SMYD3: variants seen among roughly 807,000 people sequenced by gnomAD.
SMYD3 encodes the protein histone-lysine N-methyltransferase SMYD3.
In SMYD3, 36 loss-of-function variants were observed where a neutral mutation model predicts 57.7. The observed-to-expected ratio is 0.62, with a 90% CI of 0.48 to 0.82. The LOEUF is 0.82. Among genes scored for constraint, SMYD3 ranks in the 40% least tolerant of loss-of-function variants. The pLI is 0.00. For missense variants in SMYD3, 515 were observed against 538.8 expected (o/e 0.96, Z 0.44); for synonymous variants, 211 against 195.0 (o/e 1.08, Z -0.68).
chr1:246,223,133 A>T lies in SMYD3; in HGVS notation c.531+104068T>A, dbSNP rs200630261. The stretch of plus-strand genomic sequence containing the variant: ...CTGCCCAACTCCTTTGATTCAAGAC[A>T]GGGAGGGGAACAGAGGTCTCCTCAG... On this transcript the variant is annotated intron_variant, in intron 5 of 11. Transcript: ENST00000490107. 1.8e-3 allele frequency among the ~76,000 whole-genome samples: 234 copies of T among 127,918 alleles called. 2 individuals carry two copies. The highest frequency in any genetic ancestry group is 7.8e-3 in the African/African-American group (224 of 28,880). The allele number at this position is 127,918 out of a possible 152,430, so 83.9% of individuals were successfully genotyped here.
intron 1 of SMYD3, among the ~76,000 whole-genome samples, chr1:246,427,376 C>T (rs1054136392): frequency 3.3e-5 from 5 of 151,282 alleles, no homozygotes; most frequent in African/African-American, 9.7e-5. Flanking sequence ...AAAAATTAGC[C>T]GGGCGTAGTG....
intron 8 of SMYD3, among the ~76,000 whole-genome samples, chr1:245,881,072 C>T (rs2052754506): frequency 6.6e-6 from 1 of 152,184 alleles, no homozygotes; most frequent in Non-Finnish European, 1.5e-5. Flanking sequence ...GATTCTTCTA[C>T]ATTTGTTCAT....
At chr1:246,201,440 C>G (rs1434942960) in intron 5 of SMYD3, among the ~76,000 whole-genome samples, 5 of 152,178 alleles carry the variant, frequency 3.3e-5, no homozygotes, top group African/African-American at 1.2e-4. Flanking sequence ...ATTTGGGTCA[C>G]TATATCTGTA....
chr1:246,384,491 A>G (rs1400981557), intron 1 of SMYD3, among the ~76,000 whole-genome samples: 2 of 151,750 alleles, frequency 1.3e-5, no homozygotes, highest in South Asian at 2.1e-4. Flanking sequence ...CGCCACCCGG[A>G]TTCAAGCAAT....
At chr1:246,502,843 T>C (rs1310584043) in intron 1 of SMYD3, among the ~76,000 whole-genome samples, 1 of 152,182 alleles carries the variant, frequency 6.6e-6, no homozygotes, top group Non-Finnish European at 1.5e-5. Flanking sequence ...CAGTCTATAG[T>C]CACACAGTCT....
At chr1:246,161,786 A>AT (rs2062125113) in intron 5 of SMYD3, among the ~76,000 whole-genome samples, 1 of 152,002 alleles carries the variant, frequency 6.6e-6, no homozygotes, top group African/African-American at 2.4e-5. Flanking sequence ...CCAAGTCCTG[A>AT]TTTTTCTTTG....
intron 5 of SMYD3, among the ~76,000 whole-genome samples, chr1:246,030,737 T>C (rs2059656645): frequency 6.6e-6 from 1 of 152,176 alleles, no homozygotes; most frequent in Non-Finnish European, 1.5e-5. Context: ...ACCTGTCACA[T>C]AGATCATAAA....
chr1:245,805,760 C>A (rs1383270007), intron 10 of SMYD3, among the ~76,000 whole-genome samples: 1 of 152,170 alleles, frequency 6.6e-6, no homozygotes. Flanking sequence ...CCCATTCAGA[C>A]TGATGATGCA....
intron 1 of SMYD3, among the ~76,000 whole-genome samples, chr1:246,397,750 C>T (rs1160825704): frequency 6.6e-6 from 1 of 151,984 alleles, no homozygotes; most frequent in Non-Finnish European, 1.5e-5. Flanking sequence ...ATCAGCCTCC[C>T]CACAAGCTCG....
rs556008120 is a variant in SMYD3 at position 245,961,827 on chromosome 1, G to A, written c.532-31890C>T. On this transcript the variant is annotated intron_variant, in intron 5 of 11. Transcript: ENST00000490107. ...TGAGAATGTAGGCTCCATGAAAGCC[G>A]GGATTCCTGTTTCCTCACAGCCATC... is the stretch of plus-strand genomic sequence containing the variant. 1.9e-4 allele frequency among the ~76,000 whole-genome samples: 29 copies of A among 152,240 alleles called. 1 individual carries two copies. The highest frequency in any genetic ancestry group is 5.8e-4 in the African/African-American group (24 of 41,560).
At chr1:246,364,513 C>T (rs1558426042) in intron 1 of SMYD3, among the ~76,000 whole-genome samples, 2 of 152,108 alleles carry the variant, frequency 1.3e-5, no homozygotes, top group African/African-American at 2.4e-5. Flanking sequence ...TATTTCAATA[C>T]GTTTTCAAAA....
chr1:246,461,626 G>C (rs1457721834), intron 1 of SMYD3, among the ~76,000 whole-genome samples: 1 of 150,778 alleles, frequency 6.6e-6, no homozygotes, highest in African/African-American at 2.4e-5. Flanking sequence ...AATTAAAATT[G>C]AGGGGGCTGA....
In SMYD3 at chr1:246,169,990, T is replaced by C. The variant is rs551441729; in HGVS notation, c.531+157211A>G. 1.1e-4 allele frequency among the ~76,000 whole-genome samples: 17 copies of C among 152,304 alleles called. No homozygotes were observed. The South Asian group carries it at 3.3e-3, about 30-fold the overall frequency. ...CACAGATTATGGAAATATTTTTGAT[T>C]TTCAAGTTTTGATAACAAAACTAGA... is the stretch of plus-strand genomic sequence containing the variant. On this transcript the variant is annotated intron_variant, in intron 5 of 11. Coordinates refer to ENST00000490107, the MANE Select transcript of SMYD3 (RefSeq NM_001167740.2).
intron 5 of SMYD3, among the ~76,000 whole-genome samples, chr1:246,117,949 A>G (rs2148012708): frequency 6.6e-6 from 1 of 152,320 alleles, no homozygotes; most frequent in African/African-American, 2.4e-5. Context: ...CAATATCACG[A>G]TCATCACACA....
intron 5 of SMYD3, among the ~76,000 whole-genome samples, chr1:245,937,794 T>C (rs2057043635): frequency 6.6e-6 from 1 of 152,242 alleles, no homozygotes; most frequent in Admixed American, 6.5e-5. Flanking sequence ...TATGATACTC[T>C]AGTTTCATTA....
At chr1:246,290,198 A>G (rs921891908) in intron 5 of SMYD3, among the ~76,000 whole-genome samples, 1 of 152,210 alleles carries the variant, frequency 6.6e-6, no homozygotes, top group Admixed American at 6.5e-5. Flanking sequence ...AGAAAAGGGA[A>G]CTAAACCATC....
chr1:246,316,175 G>GA (rs2065152931), intron 5 of SMYD3, among the ~76,000 whole-genome samples: 1 of 152,064 alleles, frequency 6.6e-6, no homozygotes, highest in African/African-American at 2.4e-5. Flanking sequence ...ATTTCTAATA[G>GA]AAAATTTTAT....
intron 10 of SMYD3, among the ~76,000 whole-genome samples, chr1:245,778,816 A>C (rs1251703978): frequency 9.5e-6 from 1 of 105,036 alleles, no homozygotes; most frequent in Non-Finnish European, 1.6e-5. Context: ...AAAGAAAAAA[A>C]TGGAAAAATT....
chr1:246,116,540 T>C (rs2061344707), intron 5 of SMYD3, among the ~76,000 whole-genome samples: 1 of 152,248 alleles, frequency 6.6e-6, no homozygotes, highest in Non-Finnish European at 1.5e-5. Context: ...TAGTTTCCTG[T>C]TAACCACTAA....
Sources: allele counts gnomAD v4.1 joint callset (sites outside exome capture counted in the v4.1 genomes callset), GRCh38; gene constraint gnomAD v4.1.1; transcripts MANE v1.5; gene names NCBI Gene and HGNC (gene_info 2026-07-23, HGNC 2026-07-21).